The following ATP9B variants were observed in gnomAD, a reference collection of about 807,000 sequenced individuals.
ATP9B encodes ATPase phospholipid transporting 9B, also known as probable phospholipid-transporting ATPase IIB.
ATP9B carries 110 observed loss-of-function variants against 146.1 expected under a neutral mutation model. The ratio of observed to expected loss-of-function variants is 0.75; its 90% CI spans 0.65 to 0.88. The LOEUF (loss-of-function observed/expected upper bound fraction) is 0.88, where lower values mean the gene tolerates loss of function less well. Among genes scored for constraint, ATP9B ranks in the 40% least tolerant of loss-of-function variants. ATP9B has a pLI of 0.00. For synonymous variants in ATP9B, 604 were observed against 569.7 expected (o/e 1.06, Z -0.86); for missense variants, 1,499 against 1,496.4 (o/e 1.00, Z -0.03).
At chr18:79,124,902 A>AGTG (rs1282990776) in intron 4 of ATP9B, among the ~76,000 whole-genome samples, 9 of 152,276 alleles carry the variant, frequency 5.9e-5, no homozygotes, top group African/African-American at 2.2e-4. Flanking sequence ...TTAGGCCATC[A>AGTG]GTGGGCTGAG....
At chr18:79,144,103 T>G (rs2094547865) in intron 6 of ATP9B, 1 of 309,182 alleles carries the variant, frequency 3.2e-6, no homozygotes, top group Admixed American at 4.9e-5. Context: ...AACTGCTTAA[T>G]GTTGCATTAT....
chr18:79,187,182 A>G (rs769581671), intron 8 of ATP9B, among the ~76,000 whole-genome samples: 2 of 152,226 alleles, frequency 1.3e-5, no homozygotes, highest in Non-Finnish European at 2.9e-5. Flanking sequence ...TGTTCTGTGT[A>G]TGAAATCACT....
chr18:79,334,398 TG>T lies in ATP9B; in HGVS notation c.2029-2229del, dbSNP rs1231715145. Among the ~76,000 whole-genome samples, 3 of 104,052 alleles carry T rather than the reference TG, an allele frequency of 2.9e-5. No homozygotes were observed. The Admixed American group carries it at 3.0e-4, about 10-fold the overall frequency. The allele number at this position is 104,052 out of a possible 152,430, so 68.3% of individuals were successfully genotyped here. A position where few individuals can be genotyped will look rare whatever the true frequency, so the allele number is the denominator to read the frequency against. On this transcript the variant is annotated intron_variant, in intron 17 of 29. Transcript: ENST00000426216. ...GTTAGAAACTGCTAGATTCAAAAATTGATAGTTATACAGCTTAGTGTTCATT... is the reference window on the plus strand; with the variant it reads ...GTTAGAAACTGCTAGATTCAAAAATTATAGTTATACAGCTTAGTGTTCATT...
chr18:79,143,778 G>T, intron 5 of ATP9B, 24 bp from the exon 6 acceptor site: 1 of 1,515,492 alleles, frequency 6.6e-7, no homozygotes, highest in South Asian at 1.3e-5. Flanking sequence ...TCCTTGAGTT[G>T]ACTGTACTTC....
At chr18:79,111,338 A>G (rs989528219) in intron 3 of ATP9B, among the ~76,000 whole-genome samples, 4 of 152,192 alleles carry the variant, frequency 2.6e-5, no homozygotes, top group African/African-American at 7.2e-5. Context: ...TTTATCTTGT[A>G]TATTTAATTT....
chr18:79,177,030 T>C lies in ATP9B; in HGVS notation c.873+123T>C, dbSNP rs542237423. On this transcript the variant is annotated intron_variant, in intron 8 of 29. Coordinates refer to ENST00000426216, the MANE Select transcript of ATP9B (RefSeq NM_198531.5). ...TTGAGAATTTGTTTTATAATTTCTT[T>C]ATTCCTCATGAAGGTTCATTGAAGA... The C allele has an allele frequency of 2.8e-5, 22 of 789,148 alleles. No homozygotes were observed. The East Asian group carries it at 5.9e-4, about 21-fold the overall frequency. 48.9% of individuals were successfully genotyped at this position (789,148 alleles called of 1,614,324 possible).
chr18:79,273,829 G>A (rs775621783), intron 12 of ATP9B, among the ~76,000 whole-genome samples: 1 of 152,140 alleles, frequency 6.6e-6, no homozygotes, highest in Non-Finnish European at 1.5e-5. Context: ...ACAATAGGGA[G>A]GTATAATTAA....
chr18:79,327,946 G>C (rs879153280), intron 15 of ATP9B, among the ~76,000 whole-genome samples: 6 of 83,980 alleles, frequency 7.1e-5, no homozygotes, highest in Admixed American at 2.6e-4. Context: ...CGTGCTCTCC[G>C]TGGTTAGCGT....
intron 15 of ATP9B, among the ~76,000 whole-genome samples, chr18:79,327,765 TGTGGTTAACGTGCTCTCC>T (rs2096764119): frequency 7.1e-5 from 4 of 56,350 alleles, no homozygotes; most frequent in Non-Finnish European, 1.3e-4. Context: ...GCGTGCTCTC[TGTGGTTAACGTGCTCTCC>T]GTGGTTAGCG....
intron 15 of ATP9B, among the ~76,000 whole-genome samples, chr18:79,327,703 GC>G (rs2096762496): frequency 3.8e-5 from 5 of 130,182 alleles, no homozygotes; most frequent in African/African-American, 1.5e-4. Flanking sequence ...TGGTTAGTGT[GC>G]TCTCTCCATG....
chr18:79,162,081 T>A (rs1469445844), intron 7 of ATP9B, among the ~76,000 whole-genome samples: 1 of 152,236 alleles, frequency 6.6e-6, no homozygotes, highest in African/African-American at 2.4e-5. Flanking sequence ...TTTAATACTA[T>A]TTTATTGCTT....
intron 11 of ATP9B, among the ~76,000 whole-genome samples, chr18:79,247,432 G>A (rs565782760): frequency 6.6e-6 from 1 of 152,194 alleles, no homozygotes; most frequent in Non-Finnish European, 1.5e-5. Flanking sequence ...CATTTCTCAA[G>A]CGATCTAGGA....
intron 25 of ATP9B, among the ~76,000 whole-genome samples, chr18:79,350,771 C>CTTT (rs34086629): frequency 2.8e-5 from 4 of 140,818 alleles, no homozygotes; most frequent in Non-Finnish European, 4.6e-5. Flanking sequence ...ACATTAGTTG[C>CTTT]TTTTTTTTTT....
rs190302314 is a variant in ATP9B, at chr18:79,321,211, C to T, written c.1774-7930C>T. On this transcript the variant is annotated intron_variant, in intron 15 of 29. Coordinates refer to ENST00000426216, the MANE Select transcript of ATP9B (RefSeq NM_198531.5). Reference sequence around the variant, plus strand: ...AGATATGAAAGCTCAAAACCAAAACCGGAGAATCTGCCGTGTCCGTGGGAA... The same window carrying T: ...AGATATGAAAGCTCAAAACCAAAACTGGAGAATCTGCCGTGTCCGTGGGAA... Among the ~76,000 whole-genome samples, 364 of 152,316 alleles carry T rather than the reference C, an allele frequency of 2.4e-3. 9 individuals are homozygous for T. The highest frequency in any genetic ancestry group is 0.023 in the Admixed American group (346 of 15,286).
intron 10 of ATP9B, among the ~76,000 whole-genome samples, chr18:79,212,115 A>G (rs1196691446): frequency 6.6e-6 from 1 of 152,160 alleles, no homozygotes; most frequent in Non-Finnish European, 1.5e-5. Flanking sequence ...ATTGTACTTC[A>G]TAAGTACATA....
chr18:79,341,893 G>A (rs139119007), intron 19 of ATP9B, among the ~76,000 whole-genome samples: 171 of 152,288 alleles, frequency 1.1e-3, no homozygotes, highest in Admixed American at 2.7e-3. Context: ...CCTCCTAAAC[G>A]GAAACTGTCC....
At chr18:79,289,685 G>A (rs929527831) in intron 13 of ATP9B, among the ~76,000 whole-genome samples, 69 of 152,146 alleles carry the variant, frequency 4.5e-4, no homozygotes, top group Admixed American at 4.4e-3. Flanking sequence ...GAGGAGAGGC[G>A]CTCTGCTTTT....
intron 8 of ATP9B, among the ~76,000 whole-genome samples, chr18:79,182,802 G>T (rs2095265394): frequency 1.3e-5 from 2 of 152,314 alleles, no homozygotes; most frequent in South Asian, 4.1e-4. Flanking sequence ...TTTGCTTGTT[G>T]GTAGGGATCT....
chr18:79,100,701 C>T (rs183884310), intron 2 of ATP9B, among the ~76,000 whole-genome samples: 30 of 152,156 alleles, frequency 2.0e-4, no homozygotes, highest in African/African-American at 6.5e-4. Flanking sequence ...AAGACATACC[C>T]GAGACTGGGC....
Sources: allele counts gnomAD v4.1 joint callset (sites outside exome capture counted in the v4.1 genomes callset), GRCh38; gene constraint gnomAD v4.1.1; transcripts MANE v1.5; gene names NCBI Gene and HGNC (gene_info 2026-07-23, HGNC 2026-07-21).